Variants in RABGGTA observed in about 807,000 individuals in gnomAD.
RABGGTA encodes Rab geranylgeranyltransferase subunit alpha.
Under a neutral mutation model 83.3 loss-of-function variants are expected in RABGGTA, and 69 were observed. That is an observed-to-expected ratio of 0.83 (90% CI 0.68 to 1.01). The LOEUF is 1.01. Ranked by LOEUF, RABGGTA falls within the 50% of genes least tolerant of loss-of-function variation. RABGGTA has a pLI of 0.00. For synonymous variants in RABGGTA, 310 were observed against 299.8 expected (o/e 1.03, Z -0.35); for missense variants, 681 against 712.7 (o/e 0.96, Z 0.51).
intron 3 of RABGGTA, 79 bp downstream of exon 3, chr14:24,270,758 G>A: frequency 6.5e-7 from 1 of 1,537,728 alleles, no homozygotes; most frequent in Non-Finnish European, 8.8e-7. Flanking sequence ...TAGGCAGTCT[G>A]ACTCTAGGGA....
chr14:24,269,592 T>G lies in RABGGTA; in HGVS notation c.530A>C (p.Asn177Thr). 6.2e-7 allele frequency: 1 copy of G among 1,612,958 alleles called. No individual in the cohort carries two copies. The highest frequency in any genetic ancestry group is 8.5e-7 in the Non-Finnish European group (1 of 1,178,998). Residue 177 changes from asparagine to threonine, a missense_variant, in exon 6 of 17, where the codon AAC (asparagine) becomes ACC (threonine). Asn to Thr is a moderately conservative substitution (Grantham distance 65). Coordinates refer to ENST00000216840, the MANE Select transcript of RABGGTA (RefSeq NM_182836.3). ...GGAGCGGTAATGCCAGGAAGAGTAG[T>G]TGGAGAAGTTTCGGGTGATGAGGCT... ...TDSLITRNFS[N>T]YSSWHYRSCL...
intron 16 of RABGGTA, among the ~76,000 whole-genome samples, chr14:24,266,155 G>C (rs6573653): frequency 0.31 from 47,320 of 152,094 alleles, 8,082 homozygotes; most frequent in East Asian, 0.43. Flanking sequence ...AAGTATGAAA[G>C]TTCCTGATTT....
chr14:24,266,452 C>T lies in RABGGTA; in HGVS notation c.1533G>A (p.Gln511=). Reference sequence around the variant, plus strand: ...TACGGTTGTTGCACAGTAGCAGCTCCTGCAGCCGGGGTAGGTTGGTGACGC... The same window carrying T: ...TACGGTTGTTGCACAGTAGCAGCTCTTGCAGCCGGGGTAGGTTGGTGACGC... The part of the protein sequence containing the change: ...LDGVTNLPRL[Q]ELLLCNNRLQ... Residue 511 remains glutamine, a synonymous_variant, in exon 16 of 17, where the codon CAG becomes CAA. Coordinates refer to ENST00000216840, the MANE Select transcript of RABGGTA (RefSeq NM_182836.3). 2 of 1,614,034 alleles carry T rather than the reference C, an allele frequency of 1.2e-6. No individual in the cohort carries two copies. Among genetic ancestry groups the T allele is most frequent in the Non-Finnish European group, 1.7e-6 (2 of 1,179,896 alleles).
chr14:24,270,710 G>T, intron 3 of RABGGTA, 127 bp downstream of exon 3: 1 of 1,372,904 alleles, frequency 7.3e-7, no homozygotes, highest in Non-Finnish European at 9.9e-7. Context: ...CTTGCCCAAA[G>T]TCATACAGTT....
At chr14:24,270,561 T>C in intron 3 of RABGGTA, 103 bp from the exon 4 acceptor site, 2 of 1,423,190 alleles carry the variant, frequency 1.4e-6, no homozygotes, top group South Asian at 1.2e-5. Context: ...TCCCACATTA[T>C]ACAACAGGTA....
In RABGGTA at chr14:24,266,627, G is replaced by A. The variant is rs1376664060; in HGVS notation, c.1468-110C>T. 4 of 1,256,326 alleles carry A rather than the reference G, an allele frequency of 3.2e-6. No individual in the cohort carries two copies. In the South Asian group the frequency reaches 4.8e-5, roughly 15 times the overall value. 77.8% of individuals were successfully genotyped at this position (1,256,326 alleles called of 1,614,324 possible). A position where few individuals can be genotyped will look rare whatever the true frequency, so the allele number is the denominator to read the frequency against. ...CACAGAGCACAGAGGGGCTCACAGG[G>A]TCAGGCTGCGTGATGGAGGTGGAAG... is the stretch of plus-strand genomic sequence containing the variant. On this transcript the variant is annotated intron_variant, in intron 15 of 16. Transcript: ENST00000216840.
chr14:24,266,287 C>A, intron 16 of RABGGTA, 143 bp downstream of exon 16: 1 of 735,354 alleles, frequency 1.4e-6, no homozygotes, highest in East Asian at 2.6e-5. Flanking sequence ...CAGCCCCAGG[C>A]TCTCCCCCTT....
At position 24,266,460 on chromosome 14, in the gene RABGGTA, G is replaced by C; in HGVS notation, c.1525C>G (p.Arg509Gly). 1 of 1,614,004 alleles carries C rather than the reference G, an allele frequency of 6.2e-7. No homozygotes were observed. ...TTGCACAGTAGCAGCTCCTGCAGCC[G>C]GGGTAGGTTGGTGACGCCGTCCAGG... ...ESLDGVTNLP[R>G]LQELLLCNNR... The change falls in exon 16 of 17, where the codon CGG becomes GGG. Residue 509 changes from arginine (R) to glycine (G), a missense_variant. This residue lies in a region of RABGGTA where 421 missense variants were observed against 418.5 expected (regional missense o/e 1.01). Transcript: ENST00000216840.
chr14:24,267,199 T>C (rs957375679), intron 14 of RABGGTA, among the ~76,000 whole-genome samples: 1 of 152,084 alleles, frequency 6.6e-6, no homozygotes, highest in African/African-American at 2.4e-5. Context: ...GGACTGGTCC[T>C]GATGAGGCAG....
Position 24,270,327 on chromosome 14 carries a change from T to A in RABGGTA, c.239+7A>T. 6.2e-7 allele frequency: 1 copy of A among 1,613,048 alleles called. No homozygotes were observed. Among genetic ancestry groups the A allele is most frequent in the Non-Finnish European group, 8.5e-7 (1 of 1,179,418 alleles). Reference sequence around the variant, plus strand: ...GCAGTCTTCTGAGATCCTGAATCCCTACGCACTTCTGAGTCTCCAGCTGCT... The same window carrying A: ...GCAGTCTTCTGAGATCCTGAATCCCAACGCACTTCTGAGTCTCCAGCTGCT... On this transcript the variant is annotated splice_region_variant and intron_variant, in intron 4 of 16. Coordinates refer to ENST00000216840, the MANE Select transcript of RABGGTA (RefSeq NM_182836.3).
In RABGGTA at chr14:24,269,536, C is replaced by T. The variant is rs1425145256; in HGVS notation, c.586G>A (p.Asp196Asn). 6.2e-7 allele frequency: 1 copy of T among 1,608,946 alleles called. No individual in the cohort carries two copies. Among genetic ancestry groups the T allele is most frequent in the Admixed American group, 1.7e-5 (1 of 60,006 alleles). Residue 196 changes from aspartate to asparagine, a missense_variant, in exon 6 of 17, where the codon GAT becomes AAT. Physicochemically the swap from Asp to Asn is conservative, Grantham distance 23. Transcript: ENST00000216840. ...CLLPQLHPQPDSGPQGRLPED... is the reference protein window; with the variant it reads ...CLLPQLHPQPNSGPQGRLPED... ...GGGAGGCGCCCCTGTGGTCCAGAATCCGGCTGGGGGTGCAGCTGGGGCAAG... is the reference window on the plus strand; with the variant it reads ...GGGAGGCGCCCCTGTGGTCCAGAATTCGGCTGGGGGTGCAGCTGGGGCAAG...
chr14:24,268,071 C>A (rs749916809), intron 12 of RABGGTA, 39 bp downstream of exon 12: 3 of 1,609,800 alleles, frequency 1.9e-6, no homozygotes, highest in Non-Finnish European at 2.6e-6. Context: ...GTTTCCTCAG[C>A]GGGCTCTGGG....
Position 24,270,722 on chromosome 14 carries a change from T to A in RABGGTA, c.114+115A>T. The A allele has an allele frequency of 1.4e-6, 2 of 1,420,144 alleles. 1 individual carries two copies. Among genetic ancestry groups the A allele is most frequent in the South Asian group, 2.7e-5 (2 of 75,428 alleles). The allele number at this position is 1,420,144 out of a possible 1,614,324, so 88.0% of individuals were successfully genotyped here. ...CAACTTGCCCAAAGTCATACAGTTA[T>A]AAGTGAGATAACCCAGAATTGGATC... is the stretch of plus-strand genomic sequence containing the variant. On this transcript the variant is annotated intron_variant, in intron 3 of 16. Coordinates refer to ENST00000216840, the MANE Select transcript of RABGGTA (RefSeq NM_182836.3).
At chr14:24,271,066 G>A (rs78807053) in intron 2 of RABGGTA, 47 bp downstream of exon 2, 255,173 of 1,572,704 alleles carry the variant, frequency 0.16, 23,162 homozygotes, top group Admixed American at 0.36. Context: ...CACTGGGGGT[G>A]AGGGCGCGGG....
rs376882083 is a variant in RABGGTA, at chr14:24,269,644, G to T, written c.478C>A (p.Pro160Thr). The T allele has an allele frequency of 9.3e-6, 15 of 1,613,990 alleles. No homozygotes were observed. The highest frequency in any genetic ancestry group is 1.2e-5 in the Non-Finnish European group (14 of 1,179,890). The change falls in exon 6 of 17, where the codon CCT becomes ACT. Residue 160 changes from proline to threonine, a missense_variant. By Grantham distance (38) the Pro-to-Thr change is conservative (BLOSUM62 -1). Transcript: ENST00000216840. ...TCAGTGAAGGCTAGCTCTTCTGCAG[G>T]GGGCACGGCTGCCTGTGTGGCCACA... ...RFVATQAAVP[P>T]AEELAFTDSL...
At position 24,270,868 on chromosome 14, in the gene RABGGTA, T is replaced by C. The variant is rs2040939606; in HGVS notation, c.83A>G (p.Tyr28Cys). The C allele has an allele frequency of 4.3e-6, 7 of 1,613,878 alleles. No homozygotes were observed. In the Admixed American group the frequency reaches 1.0e-4, roughly 23 times the overall value. ...RLEREQKLKL[Y>C]QSATQAVFQK... ...GAATACGGCCTGGGTGGCTGACTGG[T>C]ATAGCTTCAGCTTCTGCTCTCGCTC... The change falls in exon 3 of 17, where the codon TAC becomes TGC. Residue 28 changes from tyrosine (Y) to cysteine (C), a missense_variant. Around this residue, in one of 5 missense-constraint regions of RABGGTA, gnomAD observed 115 missense variants for 111.5 expected, o/e 1.03. Transcript: ENST00000216840.
intron 3 of RABGGTA, 30 bp from the exon 4 acceptor site, chr14:24,270,488 C>G (rs1566388758): frequency 6.2e-7 from 1 of 1,612,636 alleles, no homozygotes; most frequent in Admixed American, 1.7e-5. Flanking sequence ...GGTTAGAGAT[C>G]ATATAATTTT....
intron 2 of RABGGTA, 43 bp from the exon 3 acceptor site, chr14:24,270,990 G>A: frequency 1.9e-6 from 3 of 1,606,660 alleles, no homozygotes; most frequent in Non-Finnish European, 2.6e-6. Flanking sequence ...TTGCCTTGCA[G>A]AAGCTGACCT....
chr14:24,268,716 C>G lies in RABGGTA; in HGVS notation c.900+9G>C. Reference sequence around the variant, plus strand: ...GACCCCAACTTCTGCCCCACCAATCCTGGGATACCCAGACATGGCTGGGCC... The same window carrying G: ...GACCCCAACTTCTGCCCCACCAATCGTGGGATACCCAGACATGGCTGGGCC... On this transcript the variant is annotated intron_variant, in intron 9 of 16. Coordinates refer to ENST00000216840, the MANE Select transcript of RABGGTA (RefSeq NM_182836.3). 6.2e-7 allele frequency: 1 copy of G among 1,602,130 alleles called. No individual in the cohort carries two copies. Among genetic ancestry groups the G allele is most frequent in the South Asian group, 1.1e-5 (1 of 89,398 alleles).
Sources: allele counts gnomAD v4.1 joint callset (sites outside exome capture counted in the v4.1 genomes callset), GRCh38; gene constraint gnomAD v4.1.1; regional missense constraint gnomAD v4.1.1; transcripts MANE v1.5; gene names NCBI Gene and HGNC (gene_info 2026-07-23, HGNC 2026-07-21).